Variants in CRIM1 observed in about 807,000 individuals in gnomAD.
The protein encoded by CRIM1 is cysteine-rich motor neuron 1 protein.
In CRIM1, 32 loss-of-function variants were observed where a neutral mutation model predicts 116.4. The observed-to-expected ratio is 0.27, with a 90% CI of 0.21 to 0.37. The LOEUF (loss-of-function observed/expected upper bound fraction) is 0.37. CRIM1 is among the 10% of genes least tolerant of loss of function. CRIM1 has a pLI of 1.00. For synonymous variants in CRIM1, 590 were observed against 509.2 expected (o/e 1.16, Z -2.13); for missense variants, 1,331 against 1,354.8 (o/e 0.98, Z 0.28).
intron 7 of CRIM1, among the ~76,000 whole-genome samples, chr2:36,492,890 A>G (rs1296369418): frequency 6.6e-6 from 1 of 152,212 alleles, no homozygotes; most frequent in African/African-American, 2.4e-5. Context: ...ACCTTAAGAA[A>G]GAGCGCCTGA....
intron 15 of CRIM1, among the ~76,000 whole-genome samples, chr2:36,546,491 A>C (rs1667339732): frequency 6.6e-6 from 1 of 152,120 alleles, no homozygotes; most frequent in Non-Finnish European, 1.5e-5. Context: ...CAAAAGACCA[A>C]CTTCCTGATT....
chr2:36,512,463 A>G (rs1390188179), intron 10 of CRIM1, 69 bp downstream of exon 10: 7 of 1,508,706 alleles, frequency 4.6e-6, no homozygotes, highest in Non-Finnish European at 6.3e-6. Context: ...ACATAAGGAC[A>G]CCCTGTAATG....
At chr2:36,382,320 A>C (rs1268469991) in intron 1 of CRIM1, among the ~76,000 whole-genome samples, 2 of 152,198 alleles carry the variant, frequency 1.3e-5, no homozygotes, top group African/African-American at 2.4e-5. Flanking sequence ...TTTCTGAAAC[A>C]CCTGTTTTAA....
rs140986083 is a variant in CRIM1, at chr2:36,499,600, G to A, written c.1501+253G>A. On this transcript the variant is annotated intron_variant, in intron 8 of 16. Transcript: ENST00000280527. ...CAGGAGTGCAACCTGGAGTGGCTTT[G>A]GAGTGCATCCTTCCAGCCACCCAGA... Among the ~76,000 whole-genome samples the A allele has an allele frequency of 4.9e-3, 751 of 152,178 alleles. 4 individuals carry two copies. The highest frequency in any genetic ancestry group is 0.017 in the African/African-American group (723 of 41,498).
intron 7 of CRIM1, among the ~76,000 whole-genome samples, chr2:36,488,681 G>A (rs1680010095): frequency 1.3e-5 from 2 of 152,022 alleles, no homozygotes; most frequent in Admixed American, 1.3e-4. Context: ...TTTAACTTTC[G>A]CATCTGAGAG....
At chr2:36,495,483 T>TA (rs1558368408) in intron 7 of CRIM1, among the ~76,000 whole-genome samples, 226 of 133,862 alleles carry the variant, frequency 1.7e-3, no homozygotes, top group Middle Eastern at 7.5e-3. Context: ...TTATTTTTTT[T>TA]TTTTTTTTTT....
At chr2:36,382,354 C>G (rs1670845601) in intron 1 of CRIM1, among the ~76,000 whole-genome samples, 2 of 152,212 alleles carry the variant, frequency 1.3e-5, no homozygotes. Flanking sequence ...CTAACTGCTG[C>G]CATACCTGAA....
chr2:36,420,585 G>A (rs1391272956), intron 2 of CRIM1, among the ~76,000 whole-genome samples: 1 of 152,180 alleles, frequency 6.6e-6, no homozygotes, highest in East Asian at 1.9e-4. Context: ...CCATTTGAGA[G>A]GTTCTTCCAT....
At chr2:36,534,184 GGGAA>G (rs374798772) in intron 13 of CRIM1, among the ~76,000 whole-genome samples, 4 of 136,700 alleles carry the variant, frequency 2.9e-5, no homozygotes, top group Non-Finnish European at 4.8e-5. Flanking sequence ...AGGAGGGAGT[GGGAA>G]GGAAGGAGGG....
At chr2:36,398,387 A>G (rs913561766) in intron 2 of CRIM1, among the ~76,000 whole-genome samples, 3 of 152,214 alleles carry the variant, frequency 2.0e-5, no homozygotes, top group African/African-American at 7.2e-5. Context: ...TATCCCAGGA[A>G]GTTTTGTCCC....
chr2:36,362,736 C>G (rs1358356660), intron 1 of CRIM1, among the ~76,000 whole-genome samples: 2 of 152,160 alleles, frequency 1.3e-5, no homozygotes, highest in Non-Finnish European at 1.5e-5. Flanking sequence ...ACACTAAACT[C>G]TTACGTGTTT....
chr2:36,436,198 GA>G (rs909511127), intron 2 of CRIM1, among the ~76,000 whole-genome samples: 3 of 151,470 alleles, frequency 2.0e-5, no homozygotes, highest in South Asian at 2.1e-4. Context: ...AGAAAAGGCT[GA>G]AAAAAAAGGT....
At chr2:36,421,392 C>T (rs1208083621) in intron 2 of CRIM1, among the ~76,000 whole-genome samples, 1 of 152,118 alleles carries the variant, frequency 6.6e-6, no homozygotes, top group Non-Finnish European at 1.5e-5. Context: ...ATAAAGCAAA[C>T]ATCTTTCTTG....
rs1668774996 is a variant in CRIM1, at chr2:36,356,121, G to A, written c.-172G>A. 1 of 160,768 alleles carries A rather than the reference G, an allele frequency of 6.2e-6. No individual in the cohort carries two copies. The highest frequency in any genetic ancestry group is 1.9e-4 in the South Asian group (1 of 5,156). The allele number at this position is 160,768 out of a possible 1,614,324, so 10.0% of individuals were successfully genotyped here. On this transcript the variant is annotated 5_prime_UTR_variant, in exon 1 of 17. Coordinates refer to ENST00000280527, the MANE Select transcript of CRIM1 (RefSeq NM_016441.3). The surrounding 1 kb of genome is among the most constrained non-coding windows in gnomAD (Gnocchi z 4.3). ...CTCGGGGTCGGCGCGGCCCGCAGAAGGGGCGGGGGCCTCGCCCCGCGAGGG... is the reference window on the plus strand; with the variant it reads ...CTCGGGGTCGGCGCGGCCCGCAGAAAGGGCGGGGGCCTCGCCCCGCGAGGG...
chr2:36,489,488 T>TA (rs1474831667), intron 7 of CRIM1, among the ~76,000 whole-genome samples: 1 of 152,212 alleles, frequency 6.6e-6, no homozygotes, highest in Non-Finnish European at 1.5e-5. Context: ...GATTTTATGT[T>TA]AGACGAATTC....
At chr2:36,499,154 A>G in intron 7 of CRIM1, 65 bp from the exon 8 acceptor site, 1 of 1,316,792 alleles carries the variant, frequency 7.6e-7, no homozygotes, top group Admixed American at 1.9e-5. Flanking sequence ...AATTTCAAAA[A>G]TTGAATAGCA....
At chr2:36,417,043 G>A (rs192957298) in intron 2 of CRIM1, among the ~76,000 whole-genome samples, 3 of 152,148 alleles carry the variant, frequency 2.0e-5, no homozygotes, top group Non-Finnish European at 4.4e-5. Flanking sequence ...AACAGACGTG[G>A]CACCGTCCAC....
intron 4 of CRIM1, among the ~76,000 whole-genome samples, chr2:36,459,225 T>G (rs1442457347): frequency 1.3e-5 from 2 of 152,160 alleles, no homozygotes; most frequent in African/African-American, 4.8e-5. Context: ...TATGGGCAGA[T>G]TCTGGAGCCG....
chr2:36,547,002 T>C lies in CRIM1; in HGVS notation c.2765T>C (p.Val922Ala). Residue 922 changes from valine (V) to alanine (A), a missense_variant, in exon 16 of 17, where the codon GTA (valine) becomes GCA (alanine). Physicochemically the swap from Val to Ala is moderately conservative, Grantham distance 64. Around this residue, in one of 3 missense-constraint regions of CRIM1, gnomAD observed 283 missense variants for 242.8 expected, o/e 1.17. Transcript: ENST00000280527. ...HLPRDMGHLQVDYRDNRLHPS... is the reference protein window; with the variant it reads ...HLPRDMGHLQADYRDNRLHPS... The stretch of plus-strand genomic sequence containing the variant: ...CTCCTAGATATGGGTCACCTCCAGG[T>C]AGATTACAGAGATAACAGGCTGCAC... 1 of 1,607,700 alleles carries C rather than the reference T, an allele frequency of 6.2e-7. No homozygotes were observed. The highest frequency in any genetic ancestry group is 8.5e-7 in the Non-Finnish European group (1 of 1,176,078).
Sources: allele counts gnomAD v4.1 joint callset (sites outside exome capture counted in the v4.1 genomes callset), GRCh38; gene constraint gnomAD v4.1.1; regional missense constraint gnomAD v4.1.1; non-coding constraint Gnocchi (gnomAD v3.1); transcripts MANE v1.5; gene names NCBI Gene and HGNC (gene_info 2026-07-23, HGNC 2026-07-21).